Variants in DLG2 observed in about 807,000 individuals in gnomAD.
The protein encoded by DLG2 is disks large homolog 2.
In DLG2, 45 loss-of-function variants were observed where a neutral mutation model predicts 132.5. That is an observed-to-expected ratio of 0.34 (90% CI 0.27 to 0.44). The LOEUF (loss-of-function observed/expected upper bound fraction) is 0.44. DLG2 is among the 20% of genes least tolerant of loss of function. The probability of loss-of-function intolerance (pLI) is 1.00; values close to 1 mark genes in which losing one functional copy is unlikely to be tolerated. For synonymous variants in DLG2, 424 were observed against 419.6 expected (o/e 1.01, Z -0.13); for missense variants, 1,045 against 1,196.9 (o/e 0.87, Z 1.87).
At chr11:84,415,894 T>G (rs1183983523) in intron 7 of DLG2, among the ~76,000 whole-genome samples, 1 of 152,182 alleles carries the variant, frequency 6.6e-6, no homozygotes, top group Non-Finnish European at 1.5e-5. Flanking sequence ...ACATGTTGAG[T>G]GCTTTGCCTA....
intron 8 of DLG2, among the ~76,000 whole-genome samples, chr11:84,178,004 T>TA (rs11291777): frequency 7.3e-5 from 11 of 150,226 alleles, no homozygotes; most frequent in African/African-American, 7.3e-5. Context: ...AATGATTGAT[T>TA]AAAAAAAAAA....
chr11:84,032,720 A>G (rs2095738973), intron 11 of DLG2, among the ~76,000 whole-genome samples: 1 of 152,200 alleles, frequency 6.6e-6, no homozygotes, highest in African/African-American at 2.4e-5. Flanking sequence ...GGACTTTCGT[A>G]GCTAGAGAGG....
chr11:84,157,030 C>T (rs532716852), intron 9 of DLG2, among the ~76,000 whole-genome samples: 1 of 151,990 alleles, frequency 6.6e-6, no homozygotes, highest in East Asian at 1.9e-4. Flanking sequence ...CTAAATTCCT[C>T]ATTTTTTCTA....
intron 17 of DLG2, among the ~76,000 whole-genome samples, chr11:83,803,025 G>A (rs1032242844): frequency 6.6e-6 from 1 of 152,110 alleles, no homozygotes; most frequent in Non-Finnish European, 1.5e-5. Flanking sequence ...TTTAACTACT[G>A]AATTTGAGGT....
At chr11:84,507,974 A>G (rs1257355217) in intron 7 of DLG2, among the ~76,000 whole-genome samples, 1 of 152,230 alleles carries the variant, frequency 6.6e-6, no homozygotes, top group African/African-American at 2.4e-5. Flanking sequence ...TGCTTAGCAA[A>G]CAAGGTGACA....
intron 11 of DLG2, among the ~76,000 whole-genome samples, chr11:84,038,730 G>A (rs1220886414): frequency 3.3e-5 from 5 of 151,994 alleles, no homozygotes; most frequent in African/African-American, 1.2e-4. Flanking sequence ...CCCAAGACTT[G>A]GCAATTTATA....
At chr11:85,043,169 G>A (rs976532200) in intron 6 of DLG2, among the ~76,000 whole-genome samples, 1 of 151,650 alleles carries the variant, frequency 6.6e-6, no homozygotes, top group Non-Finnish European at 1.5e-5. Flanking sequence ...CACAATTATA[G>A]GACCTTACAC....
intron 6 of DLG2, among the ~76,000 whole-genome samples, chr11:84,938,986 C>T (rs183311597): frequency 2.1e-4 from 32 of 152,094 alleles, no homozygotes; most frequent in East Asian, 5.8e-4. Flanking sequence ...TGTAGACAAA[C>T]GGCTAAAATT....
intron 19 of DLG2, among the ~76,000 whole-genome samples, chr11:83,542,965 T>G (rs1251779960): frequency 6.6e-6 from 1 of 152,132 alleles, no homozygotes; most frequent in Non-Finnish European, 1.5e-5. Context: ...AAAATTTGTT[T>G]TATTTTAGAT....
At chr11:83,942,150 G>A (rs1225032519) in intron 14 of DLG2, among the ~76,000 whole-genome samples, 1 of 152,032 alleles carries the variant, frequency 6.6e-6, no homozygotes, top group Admixed American at 6.6e-5. Flanking sequence ...TTTTAACGTA[G>A]GCATTAAAAA....
chr11:84,702,860 C>A (rs2059351866), intron 6 of DLG2, among the ~76,000 whole-genome samples: 1 of 151,588 alleles, frequency 6.6e-6, no homozygotes, highest in South Asian at 2.1e-4. Flanking sequence ...CTTCTCAGAA[C>A]CTTACACAGT....
At chr11:83,584,439 A>G (rs1015704049) in intron 19 of DLG2, among the ~76,000 whole-genome samples, 1 of 152,222 alleles carries the variant, frequency 6.6e-6, no homozygotes, top group Non-Finnish European at 1.5e-5. Flanking sequence ...CCAAAAATGA[A>G]TAACTTAAGG....
chr11:83,896,340 A>G, intron 15 of DLG2, among the ~76,000 whole-genome samples: 1 of 152,258 alleles, frequency 6.6e-6, no homozygotes, highest in East Asian at 1.9e-4. Flanking sequence ...AGGACATTAT[A>G]GGGTTTACTG....
chr11:85,154,628 C>T lies in DLG2; in HGVS notation c.210G>A (p.Lys70=). ...SSELTDCSGS[K]ENASCIEQNK... The stretch of plus-strand genomic sequence containing the variant: ...TTTGCTCAATACATGAAGCATTTTC[C>T]TTTGATCCACTGCAATCTGTAAGCT... Residue 70 remains lysine (K), a synonymous_variant, in exon 5 of 28, where the codon AAG becomes AAA. Transcript: ENST00000376104. 1 of 1,523,496 alleles carries T rather than the reference C, an allele frequency of 6.6e-7. No homozygotes were observed. The highest frequency in any genetic ancestry group is 8.9e-7 in the Non-Finnish European group (1 of 1,124,676). The allele number at this position is 1,523,496 out of a possible 1,614,324, so 94.4% of individuals were successfully genotyped here. A position where few individuals can be genotyped will look rare whatever the true frequency, so the allele number is the denominator to read the frequency against.
intron 19 of DLG2, among the ~76,000 whole-genome samples, chr11:83,612,580 T>G (rs2060267988): frequency 6.6e-6 from 1 of 152,124 alleles, no homozygotes; most frequent in Non-Finnish European, 1.5e-5. Context: ...GCCTCTCCTT[T>G]AATAAACTCA....
chr11:84,411,060 A>T lies in DLG2; in HGVS notation c.519+123510T>A, dbSNP rs577815125. On this transcript the variant is annotated intron_variant, in intron 7 of 27. Coordinates refer to ENST00000376104, the MANE Select transcript of DLG2 (RefSeq NM_001142699.3). ...TACCCTGCTCCATACATCTAAACAA[A>T]CCAGAGCTATGCAGTGAAAAGGCAG... Among the ~76,000 whole-genome samples, 13 of 152,316 alleles carry T rather than the reference A, an allele frequency of 8.5e-5. 1 individual carries two copies. The South Asian group carries it at 2.7e-3, about 32-fold the overall frequency.
intron 15 of DLG2, among the ~76,000 whole-genome samples, chr11:83,882,708 T>A (rs2066622690): frequency 6.6e-6 from 1 of 152,218 alleles, no homozygotes; most frequent in Non-Finnish European, 1.5e-5. Flanking sequence ...GTTTTTTAAA[T>A]AAATGAAATG....
At chr11:83,923,902 A>G (rs1341731445) in intron 15 of DLG2, among the ~76,000 whole-genome samples, 3 of 152,096 alleles carry the variant, frequency 2.0e-5, no homozygotes, top group Non-Finnish European at 2.9e-5. Context: ...CCCACTGCCT[A>G]TAGGATAAAG....
intron 7 of DLG2, among the ~76,000 whole-genome samples, chr11:84,430,526 G>T (rs1601975175): frequency 6.6e-6 from 1 of 151,760 alleles, no homozygotes; most frequent in Non-Finnish European, 1.5e-5. Flanking sequence ...TAAATGAGAT[G>T]GTATGTGTAA....
Sources: gnomAD v4.1 joint callset for allele counts (sites outside exome capture counted in the v4.1 genomes callset) on GRCh38, gnomAD v4.1.1 for gene constraint, MANE v1.5 for transcripts, NCBI Gene and HGNC (gene_info 2026-07-23, HGNC 2026-07-21) for gene names.